Variants in KATNAL2 observed in about 807,000 individuals in gnomAD.
KATNAL2 encodes the protein katanin p60 ATPase-containing subunit A-like 2.
A neutral mutation model predicts 76.3 loss-of-function variants in KATNAL2; 52 were observed. The observed-to-expected ratio is 0.68, with a 90% confidence interval of 0.55 to 0.86. KATNAL2 has a LOEUF of 0.86. KATNAL2 is among the 40% of genes least tolerant of loss of function. The pLI is 0.00. For missense variants in KATNAL2, 660 were observed against 668.9 expected (o/e 0.99, Z 0.15); for synonymous variants, 243 against 244.2 (o/e 1.00, Z 0.05).
chr18:47,060,747 A>G (rs190774646), intron 8 of KATNAL2, among the ~76,000 whole-genome samples: 7 of 152,308 alleles, frequency 4.6e-5, no homozygotes, highest in Admixed American at 4.6e-4. Context: ...GAAAATCAAG[A>G]GCAGTGACCT....
At chr18:47,033,894 A>C in intron 3 of KATNAL2, 1 of 1,613,534 alleles carries the variant, frequency 6.2e-7, no homozygotes, top group Non-Finnish European at 8.5e-7. Flanking sequence ...CTGAGAAGAC[A>C]TGGCTGGGCA....
chr18:47,041,750 TGAGTAA>T (rs1356071689), intron 3 of KATNAL2, among the ~76,000 whole-genome samples: 1 of 152,204 alleles, frequency 6.6e-6, no homozygotes, highest in African/African-American at 2.4e-5. Flanking sequence ...GAGTAATTGC[TGAGTAA>T]GAGTATGGTT....
intron 1 of KATNAL2, among the ~76,000 whole-genome samples, chr18:46,935,558 G>C (rs574150157): frequency 1.3e-5 from 2 of 151,932 alleles, no homozygotes; most frequent in African/African-American, 4.8e-5. Flanking sequence ...AGAGTAGCTC[G>C]TACTACAGGC....
chr18:47,099,172 C>A, intron 15 of KATNAL2, 71 bp from the exon 16 acceptor site: 1 of 1,478,506 alleles, frequency 6.8e-7, no homozygotes, highest in South Asian at 1.3e-5. Context: ...CTAAATTGTT[C>A]TTAAAGTACA....
intron 13 of KATNAL2, among the ~76,000 whole-genome samples, chr18:47,071,655 A>G (rs1351964115): frequency 6.6e-6 from 1 of 152,170 alleles, no homozygotes; most frequent in African/African-American, 2.4e-5. Context: ...AAGGAAGGTG[A>G]CATACTCTTG....
At position 46,949,654 on chromosome 18, in the gene KATNAL2, G is replaced by A. The variant is rs192157033; in HGVS notation, c.51+2731G>A. Among the ~76,000 whole-genome samples the A allele has an allele frequency of 3.8e-3, 575 of 152,324 alleles. 1 individual carries two copies. Among genetic ancestry groups the A allele is most frequent in the Middle Eastern group, 0.01 (3 of 294 alleles). On this transcript the variant is annotated intron_variant, in intron 3 of 17. Transcript: ENST00000683218. ...CACCATTCATCCGATTGCTCAAATC[G>A]TAATTCTGGGGGTTATCCTTAGCTC...
chr18:47,086,308 T>C (rs1326292523), intron 15 of KATNAL2, among the ~76,000 whole-genome samples: 1 of 152,074 alleles, frequency 6.6e-6, no homozygotes, highest in Admixed American at 6.5e-5. Flanking sequence ...GTCCTGCCTG[T>C]AGGCTTTTTT....
rs2060720893 is a variant in KATNAL2 at position 47,035,341 on chromosome 18, G to C, written c.52-11116G>C. 5.0e-6 allele frequency: 8 copies of C among 1,603,308 alleles called. No individual in the cohort carries two copies. In the South Asian group the frequency reaches 8.8e-5, roughly 18 times the overall value. On this transcript the variant is annotated intron_variant, in intron 3 of 17. Coordinates refer to ENST00000683218, the MANE Select transcript of KATNAL2 (RefSeq NM_001387690.1). ...TGGGGCTGCGGGACAGGAAGTCTGG[G>C]GTGGCCGGTCCTCGCTGCCCGGTCG...
In KATNAL2 at chr18:47,101,834, C is replaced by G. The variant is rs999941151; in HGVS notation, c.*829C>G. ...CTTCCCTGCTCTTAGGCTCTTCCCC[C>G]TCTCCTTAAGGGGTTATAAACAACT... On this transcript the variant is annotated 3_prime_UTR_variant, in exon 18 of 18. Coordinates refer to ENST00000683218, the MANE Select transcript of KATNAL2 (RefSeq NM_001387690.1). 8.5e-5 allele frequency: 13 copies of G among 152,184 alleles called. No homozygotes were observed. Among genetic ancestry groups the G allele is most frequent in the African/African-American group, 3.1e-4 (13 of 41,446 alleles). The allele number at this position is 152,184 out of a possible 1,614,324, so 9.4% of individuals were successfully genotyped here.
chr18:46,940,498 G>C (rs1386779819), intron 1 of KATNAL2, among the ~76,000 whole-genome samples: 1 of 152,142 alleles, frequency 6.6e-6, no homozygotes, highest in Admixed American at 6.6e-5. Context: ...TAGAAACATA[G>C]AAAAATGGAG....
intron 3 of KATNAL2, among the ~76,000 whole-genome samples, chr18:46,948,149 C>T (rs972973754): frequency 2.0e-5 from 3 of 152,156 alleles, no homozygotes; most frequent in African/African-American, 7.2e-5. Context: ...CTTGCTCTGT[C>T]GCCCAGGCTG....
intron 16 of KATNAL2, among the ~76,000 whole-genome samples, chr18:47,099,931 C>A (rs997774367): frequency 6.6e-6 from 1 of 152,122 alleles, no homozygotes; most frequent in Non-Finnish European, 1.5e-5. Flanking sequence ...CAAGAATAAA[C>A]GTGCCTACCA....
intron 15 of KATNAL2, among the ~76,000 whole-genome samples, chr18:47,084,004 T>C (rs751429316): frequency 2.6e-5 from 4 of 152,238 alleles, no homozygotes; most frequent in Non-Finnish European, 5.9e-5. Context: ...TACCAAGCTC[T>C]GGATTTAAAA....
rs563938159 is a variant in KATNAL2 at position 47,100,162 on chromosome 18, C to A, written c.1375-92C>A. 1,181 of 819,818 alleles carry A rather than the reference C, an allele frequency of 1.4e-3. 12 individuals carry two copies. Among genetic ancestry groups the A allele is most frequent in the East Asian group, 1.0e-3 (42 of 40,530 alleles). The allele number at this position is 819,818 out of a possible 1,614,324, so 50.8% of individuals were successfully genotyped here. On this transcript the variant is annotated intron_variant, in intron 16 of 17. Coordinates refer to ENST00000683218, the MANE Select transcript of KATNAL2 (RefSeq NM_001387690.1). ...ATGGGTGACAGATACAGAATCTACA[C>A]AGGGCTTCTGATACTGGGTCCTGCC...
chr18:46,959,340 T>G (rs923946765), intron 3 of KATNAL2, among the ~76,000 whole-genome samples: 1 of 152,186 alleles, frequency 6.6e-6, no homozygotes, highest in Non-Finnish European at 1.5e-5. Context: ...CCTGTGGGCA[T>G]CTCTTAAAAT....
chr18:46,929,265 CAG>C (rs2058831743), intron 1 of KATNAL2, among the ~76,000 whole-genome samples: 1 of 151,512 alleles, frequency 6.6e-6, no homozygotes, highest in Non-Finnish European at 1.5e-5. Flanking sequence ...TTTTTTGAGA[CAG>C]AGTCTCACTC....
chr18:47,068,069 A>G (rs1385359385), intron 11 of KATNAL2, among the ~76,000 whole-genome samples: 3 of 152,226 alleles, frequency 2.0e-5, no homozygotes, highest in Admixed American at 6.5e-5. Context: ...AGCATCTTTC[A>G]TGCCTCTTAT....
intron 10 of KATNAL2, among the ~76,000 whole-genome samples, chr18:47,063,703 T>C (rs2061705094): frequency 6.6e-6 from 1 of 152,154 alleles, no homozygotes; most frequent in Non-Finnish European, 1.5e-5. Flanking sequence ...TGTCTGCATC[T>C]GGTTTAAAAA....
At chr18:47,063,930 G>C (rs1311075112) in intron 10 of KATNAL2, among the ~76,000 whole-genome samples, 2 of 152,198 alleles carry the variant, frequency 1.3e-5, no homozygotes, top group Non-Finnish European at 2.9e-5. Flanking sequence ...CTTTGGGCAA[G>C]TTCCTGGGAA....
Sources: gnomAD v4.1 joint callset for allele counts (sites outside exome capture counted in the v4.1 genomes callset) on GRCh38, gnomAD v4.1.1 for gene constraint, MANE v1.5 for transcripts, NCBI Gene and HGNC (gene_info 2026-07-23, HGNC 2026-07-21) for gene names.